The following CTLA4 variants were observed in gnomAD, a reference collection of about 807,000 sequenced individuals.
CTLA4 encodes the protein cytotoxic T-lymphocyte protein 4.
A neutral mutation model predicts 20.4 loss-of-function variants in CTLA4; 3 were observed. The observed-to-expected ratio is 0.15, with a 90% CI of 0.07 to 0.38. The LOEUF (loss-of-function observed/expected upper bound fraction) is 0.38. Ranked by LOEUF, CTLA4 falls within the 10% of genes least tolerant of loss-of-function variation. The pLI is 1.00. For synonymous variants in CTLA4, 100 were observed against 105.2 expected (o/e 0.95, Z 0.30); for missense variants, 184 against 276.8 (o/e 0.66, Z 2.38).
intron 1 of CTLA4, 135 bp downstream of exon 1, chr2:203,868,186 G>C: frequency 1.4e-6 from 1 of 691,336 alleles, no homozygotes; most frequent in Admixed American, 2.5e-5. Context: ...GGCTTGGCTG[G>C]CTCTGTATTC....
Position 203,872,876 on chromosome 2 carries a change from T to G in CTLA4, c.*64T>G, listed in dbSNP as rs956014168. The G allele has an allele frequency of 2.1e-5, 22 of 1,053,448 alleles. No individual in the cohort carries two copies. Among genetic ancestry groups the G allele is most frequent in the African/African-American group, 3.2e-5 (2 of 62,926 alleles). 65.3% of individuals were successfully genotyped at this position (1,053,448 alleles called of 1,614,324 possible). On this transcript the variant is annotated 3_prime_UTR_variant, in exon 4 of 4. Coordinates refer to ENST00000648405, the MANE Select transcript of CTLA4 (RefSeq NM_005214.5). ...CAAGAGCTGAGGCAATTCTAACTTT[T>G]TTGCTATCCAGCTATTTTTATTTGT...
At chr2:203,869,573 G>A (rs1231017976) in intron 1 of CTLA4, among the ~76,000 whole-genome samples, 18 of 152,216 alleles carry the variant, frequency 1.2e-4, no homozygotes, top group Admixed American at 9.2e-4. Context: ...GATCATGGGG[G>A]ACTCATTGAA....
chr2:203,870,846 A>G lies in CTLA4; in HGVS notation c.370A>G (p.Thr124Ala). The change falls in exon 2 of 4, where the codon ACG (threonine) becomes GCG (alanine). Residue 124 changes from threonine to alanine, a missense_variant. Around this residue, in one of 3 missense-constraint regions of CTLA4, gnomAD observed 147 missense variants for 223.4 expected, o/e 0.66. Coordinates refer to ENST00000648405, the MANE Select transcript of CTLA4 (RefSeq NM_005214.5). The surrounding 1 kb of genome is among the most constrained non-coding windows in gnomAD (Gnocchi z 5.3). ...TATCCAAGGACTGAGGGCCATGGAC[A>G]CGGGACTCTACATCTGCAAGGTGGA... ...LTIQGLRAMDTGLYICKVELM... is the reference protein window; with the variant it reads ...LTIQGLRAMDAGLYICKVELM... The G allele has an allele frequency of 6.2e-7, 1 of 1,614,222 alleles. No individual in the cohort carries two copies. The highest frequency in any genetic ancestry group is 2.2e-5 in the East Asian group (1 of 44,878).
chr2:203,871,707 A>G (rs1008263630), intron 3 of CTLA4, among the ~76,000 whole-genome samples: 7 of 152,244 alleles, frequency 4.6e-5, no homozygotes, highest in Non-Finnish European at 8.8e-5. Context: ...TTGAATGTTC[A>G]TGTGCTTCTG....
At position 203,870,281 on chromosome 2, in the gene CTLA4, G is replaced by T; in HGVS notation, c.110-305G>T. 1 of 424,000 alleles carries T rather than the reference G, an allele frequency of 2.4e-6. No individual in the cohort carries two copies. Among genetic ancestry groups the T allele is most frequent in the African/African-American group, 2.0e-5 (1 of 50,424 alleles). 26.3% of individuals were successfully genotyped at this position (424,000 alleles called of 1,614,324 possible). A position where few individuals can be genotyped will look rare whatever the true frequency, so the allele number is the denominator to read the frequency against. On this transcript the variant is annotated intron_variant, in intron 1 of 3. Coordinates refer to ENST00000648405, the MANE Select transcript of CTLA4 (RefSeq NM_005214.5). The surrounding 1 kb of genome is among the most constrained non-coding windows in gnomAD (Gnocchi z 5.3). ...GAAGGACATGGGGGAAGTGTGACTT[G>T]CCCCAAATCACATATTTCATGGTAG...
chr2:203,871,298 C>CT (rs1356627124), intron 2 of CTLA4, 80 bp from the exon 3 acceptor site: 5 of 1,286,898 alleles, frequency 3.9e-6, no homozygotes, highest in Non-Finnish European at 3.3e-6. Flanking sequence ...CTCTAATGTC[C>CT]TTTTTTCACC....
In CTLA4 at chr2:203,870,495, G is replaced by A. The variant is rs1025946530; in HGVS notation, c.110-91G>A. 5 of 1,401,032 alleles carry A rather than the reference G, an allele frequency of 3.6e-6. No homozygotes were observed. In the African/African-American group the frequency reaches 7.1e-5, roughly 20 times the overall value. The allele number at this position is 1,401,032 out of a possible 1,614,324, so 86.8% of individuals were successfully genotyped here. A position where few individuals can be genotyped will look rare whatever the true frequency, so the allele number is the denominator to read the frequency against. On this transcript the variant is annotated intron_variant, in intron 1 of 3. Coordinates refer to ENST00000648405, the MANE Select transcript of CTLA4 (RefSeq NM_005214.5). This position sits in a 1 kb window ranked among gnomAD's most constrained non-coding sequence, Gnocchi z 5.3. ...CGTTGAAGGGGGGAGAAAAGGCCGT[G>A]GGGATGAAGCTAGAAGGCAGAAGGG...
rs202187877 is a variant in CTLA4 at position 203,870,971 on chromosome 2, A to G, written c.457+38A>G. 9.2e-6 allele frequency: 14 copies of G among 1,522,176 alleles called. No individual in the cohort carries two copies. Among genetic ancestry groups the G allele is most frequent in the Middle Eastern group, 1.7e-4 (1 of 5,848 alleles). The allele number at this position is 1,522,176 out of a possible 1,614,324, so 94.3% of individuals were successfully genotyped here. A position where few individuals can be genotyped will look rare whatever the true frequency, so the allele number is the denominator to read the frequency against. ...ATTTCACTGAGTTGACACCTGTTGC[A>G]TTGCAGTCTTCTATGCACAAAAACA... On this transcript the variant is annotated intron_variant, in intron 2 of 3. Coordinates refer to ENST00000648405, the MANE Select transcript of CTLA4 (RefSeq NM_005214.5). The surrounding 1 kb of genome is among the most constrained non-coding windows in gnomAD (Gnocchi z 5.3).
At chr2:203,869,382 T>C (rs797017767) in intron 1 of CTLA4, among the ~76,000 whole-genome samples, 1 of 152,236 alleles carries the variant, frequency 6.6e-6, no homozygotes, top group Non-Finnish European at 1.5e-5. Context: ...AGCTGTAGTC[T>C]AGCTAGCTAG....
Position 203,872,849 on chromosome 2 carries a change from TC to T in CTLA4, c.*39del. ...GAAGAAGAGAGTCCATATTTCAATT[TC>T]CAAGAGCTGAGGCAATTCTAACTTT... On this transcript the variant is annotated 3_prime_UTR_variant, in exon 4 of 4. Coordinates refer to ENST00000648405, the MANE Select transcript of CTLA4 (RefSeq NM_005214.5). The T allele has an allele frequency of 7.4e-7, 1 of 1,346,038 alleles. No homozygotes were observed. The highest frequency in any genetic ancestry group is 1.1e-6 in the Non-Finnish European group (1 of 939,500). 83.4% of individuals were successfully genotyped at this position (1,346,038 alleles called of 1,614,324 possible). A position where few individuals can be genotyped will look rare whatever the true frequency, so the allele number is the denominator to read the frequency against.
intron 3 of CTLA4, among the ~76,000 whole-genome samples, chr2:203,872,333 C>T (rs906159432): frequency 6.6e-5 from 10 of 152,150 alleles, no homozygotes; most frequent in Admixed American, 5.2e-4. Flanking sequence ...GTAGGTTCAG[C>T]AGTGGGGATG....
intron 2 of CTLA4, among the ~76,000 whole-genome samples, 178 bp downstream of exon 2, chr2:203,871,111 G>T (rs768907808): frequency 7.2e-5 from 11 of 152,184 alleles, no homozygotes; most frequent in Non-Finnish European, 1.2e-4. Flanking sequence ...ATAGCATTCT[G>T]ACTGTAAAAT....
chr2:203,867,935 A>G lies in CTLA4; in HGVS notation c.-8A>G. Reference sequence around the variant, plus strand: ...TCCTGAAGACCTGAACACCGCTCCCATAAAGCCATGGCTTGCCTTGGATTT... The same window carrying G: ...TCCTGAAGACCTGAACACCGCTCCCGTAAAGCCATGGCTTGCCTTGGATTT... On this transcript the variant is annotated 5_prime_UTR_variant, in exon 1 of 4. Transcript: ENST00000648405. 1.9e-6 allele frequency: 3 copies of G among 1,612,652 alleles called. No homozygotes were observed. Among genetic ancestry groups the G allele is most frequent in the Non-Finnish European group, 2.5e-6 (3 of 1,178,636 alleles).
chr2:203,870,997 G>A lies in CTLA4; in HGVS notation c.457+64G>A. ...TTGCAGTCTTCTATGCACAAAAACA[G>A]TTTTGTTCCTTAATTTCAGGAGGTT... On this transcript the variant is annotated intron_variant, in intron 2 of 3. Transcript: ENST00000648405. This position sits in a 1 kb window ranked among gnomAD's most constrained non-coding sequence, Gnocchi z 5.3. The A allele has an allele frequency of 7.6e-7, 1 of 1,308,044 alleles. No homozygotes were observed. The highest frequency in any genetic ancestry group is 1.5e-5 in the African/African-American group (1 of 68,188). The allele number at this position is 1,308,044 out of a possible 1,614,324, so 81.0% of individuals were successfully genotyped here.
Position 203,872,779 on chromosome 2 carries a change from G to A in CTLA4, c.639G>A (p.Lys213=). The A allele has an allele frequency of 6.2e-7, 1 of 1,612,114 alleles. No homozygotes were observed. The highest frequency in any genetic ancestry group is 8.5e-7 in the Non-Finnish European group (1 of 1,178,168). Residue 213 remains lysine (K), a synonymous_variant, in exon 4 of 4, where the codon AAG becomes AAA. Coordinates refer to ENST00000648405, the MANE Select transcript of CTLA4 (RefSeq NM_005214.5). The part of the protein sequence containing the change: ...KMPPTEPECE[K]QFQPYFIPIN ...CCCCAACAGAGCCAGAATGTGAAAA[G>A]CAATTTCAGCCTTATTTTATTCCCA...
intron 3 of CTLA4, among the ~76,000 whole-genome samples, chr2:203,872,189 CCTT>C (rs934470413): frequency 8.5e-5 from 13 of 152,138 alleles, no homozygotes; most frequent in Non-Finnish European, 1.9e-4. Flanking sequence ...TCCCTCTCTC[CCTT>C]CTTCTCTTCC....
rs199943943 is a variant in CTLA4 at position 203,870,692 on chromosome 2, A to G, written c.216A>G (p.Thr72=). ...GCAAAGCCACTGAGGTCCGGGTGACAGTGCTTCGGCAGGCTGACAGCCAGG... is the reference window on the plus strand; with the variant it reads ...GCAAAGCCACTGAGGTCCGGGTGACGGTGCTTCGGCAGGCTGACAGCCAGG... The part of the protein sequence containing the change: ...SPGKATEVRV[T]VLRQADSQVT... The change falls in exon 2 of 4, where the codon ACA becomes ACG. Residue 72 remains threonine, a synonymous_variant. Coordinates refer to ENST00000648405, the MANE Select transcript of CTLA4 (RefSeq NM_005214.5). This position sits in a 1 kb window ranked among gnomAD's most constrained non-coding sequence, Gnocchi z 5.3. 1.4e-5 allele frequency: 23 copies of G among 1,614,112 alleles called. No homozygotes were observed. Among genetic ancestry groups the G allele is most frequent in the African/African-American group, 2.7e-5 (2 of 74,954 alleles).
In CTLA4 at chr2:203,870,670, A is replaced by G. The variant is rs1688713262; in HGVS notation, c.194A>G (p.Lys65Arg). ...GTGTGTGAGTATGCATCTCCAGGCA[A>G]AGCCACTGAGGTCCGGGTGACAGTG... is the stretch of plus-strand genomic sequence containing the variant. ...SFVCEYASPGKATEVRVTVLR... is the reference protein window; with the variant it reads ...SFVCEYASPGRATEVRVTVLR... Residue 65 changes from lysine (K) to arginine (R), a missense_variant, in exon 2 of 4, where the codon AAA becomes AGA. Physicochemically the swap from Lys to Arg is conservative, Grantham distance 26. Around this residue, in one of 3 missense-constraint regions of CTLA4, gnomAD observed 147 missense variants for 223.4 expected, o/e 0.66. Transcript: ENST00000648405. The surrounding 1 kb of genome is among the most constrained non-coding windows in gnomAD (Gnocchi z 5.3). 6.2e-7 allele frequency: 1 copy of G among 1,614,226 alleles called. No individual in the cohort carries two copies. Among genetic ancestry groups the G allele is most frequent in the Non-Finnish European group, 8.5e-7 (1 of 1,180,034 alleles).
At position 203,870,664 on chromosome 2, in the gene CTLA4, C is replaced by G. The variant is rs1688713089; in HGVS notation, c.188C>G (p.Pro63Arg). The G allele has an allele frequency of 1.2e-6, 2 of 1,614,190 alleles. No homozygotes were observed. Among genetic ancestry groups the G allele is most frequent in the Non-Finnish European group, 1.7e-6 (2 of 1,180,034 alleles). The change falls in exon 2 of 4, where the codon CCA (proline) becomes CGA (arginine). Residue 63 changes from proline (P) to arginine (R), a missense_variant. Coordinates refer to ENST00000648405, the MANE Select transcript of CTLA4 (RefSeq NM_005214.5). This position sits in a 1 kb window ranked among gnomAD's most constrained non-coding sequence, Gnocchi z 5.3. Reference protein sequence around the residue: ...IASFVCEYASPGKATEVRVTV... With the variant: ...IASFVCEYASRGKATEVRVTV... ...AGCTTTGTGTGTGAGTATGCATCTC[C>G]AGGCAAAGCCACTGAGGTCCGGGTG... is the stretch of plus-strand genomic sequence containing the variant.
Sources: gnomAD v4.1 joint callset for allele counts (sites outside exome capture counted in the v4.1 genomes callset) on GRCh38, gnomAD v4.1.1 for gene constraint, gnomAD v4.1.1 regional missense constraint, Gnocchi (gnomAD v3.1) non-coding constraint, MANE v1.5 for transcripts, NCBI Gene and HGNC (gene_info 2026-07-23, HGNC 2026-07-21) for gene names.